Variants in KLHL1 observed in about 807,000 individuals in gnomAD.
KLHL1 encodes kelch like family member 1.
Under a neutral mutation model 77.7 loss-of-function variants are expected in KLHL1, and 47 were observed. That is an observed-to-expected ratio of 0.60 (90% CI 0.48 to 0.77). The LOEUF is 0.77. Among genes scored for constraint, KLHL1 ranks in the 30% least tolerant of loss-of-function variants. The pLI is 0.00. For synonymous variants in KLHL1, 360 were observed against 325.2 expected (o/e 1.11, Z -1.15); for missense variants, 925 against 910.8 (o/e 1.02, Z -0.20).
intron 1 of KLHL1, among the ~76,000 whole-genome samples, chr13:70,071,815 A>C (rs1887144254): frequency 6.6e-6 from 1 of 152,108 alleles, no homozygotes; most frequent in South Asian, 2.1e-4. Flanking sequence ...ATATATGTTC[A>C]AAGCATGGAA....
At chr13:69,830,219 A>G (rs1369620374) in intron 6 of KLHL1, among the ~76,000 whole-genome samples, 1 of 150,324 alleles carries the variant, frequency 6.7e-6, no homozygotes, top group Non-Finnish European at 1.5e-5. Context: ...TAATACATAA[A>G]GACTCACATA....
intron 4 of KLHL1, among the ~76,000 whole-genome samples, chr13:69,935,207 T>TACATAGTTCACCC (rs1883141939): frequency 8.4e-6 from 1 of 118,426 alleles, no homozygotes; most frequent in Non-Finnish European, 1.7e-5. Context: ...ACATAGTTGG[T>TACATAGTTCACCC]ACTGGTGAAC....
intron 1 of KLHL1, among the ~76,000 whole-genome samples, chr13:69,984,370 A>G (rs1000213746): frequency 6.6e-6 from 1 of 152,182 alleles, no homozygotes; most frequent in Non-Finnish European, 1.5e-5. Context: ...AAGACTACCT[A>G]GAGGCCAGGC....
intron 6 of KLHL1, among the ~76,000 whole-genome samples, chr13:69,829,203 T>C (rs1170998060): frequency 1.3e-5 from 2 of 149,948 alleles, no homozygotes; most frequent in Non-Finnish European, 3.0e-5. Flanking sequence ...ACAATTCACT[T>C]CACTCCCCTA....
chr13:69,862,879 G>A (rs1409371942), intron 5 of KLHL1, among the ~76,000 whole-genome samples: 1 of 152,054 alleles, frequency 6.6e-6, no homozygotes, highest in Non-Finnish European at 1.5e-5. Flanking sequence ...TTAGCTTTCA[G>A]AACTGTGACA....
chr13:69,869,174 T>A (rs922917346), intron 5 of KLHL1, among the ~76,000 whole-genome samples: 1 of 152,092 alleles, frequency 6.6e-6, no homozygotes, highest in Non-Finnish European at 1.5e-5. Flanking sequence ...AAATTCTACC[T>A]GAGGAAGTTA....
intron 1 of KLHL1, among the ~76,000 whole-genome samples, chr13:69,977,491 C>A (rs887388109): frequency 6.6e-6 from 1 of 151,524 alleles, no homozygotes; most frequent in Non-Finnish European, 1.5e-5. Flanking sequence ...ATATAGAAAA[C>A]AAAAAACGGT....
intron 1 of KLHL1, among the ~76,000 whole-genome samples, chr13:70,075,413 C>G (rs935431243): frequency 6.0e-5 from 9 of 150,506 alleles, no homozygotes; most frequent in African/African-American, 2.2e-4. Context: ...ACATAATTTT[C>G]TGTATAGAAA....
intron 8 of KLHL1, among the ~76,000 whole-genome samples, chr13:69,728,848 G>T (rs1873417256): frequency 6.6e-6 from 1 of 151,730 alleles, no homozygotes; most frequent in Non-Finnish European, 1.5e-5. Flanking sequence ...ATGAATGAAT[G>T]AATGAATCCA....
intron 5 of KLHL1, among the ~76,000 whole-genome samples, chr13:69,862,375 C>A (rs1880205705): frequency 6.6e-6 from 1 of 152,026 alleles, no homozygotes; most frequent in African/African-American, 2.4e-5. Flanking sequence ...TTCTGAAGTT[C>A]CATTTTACCA....
chr13:70,057,965 T>C (rs9572346), intron 1 of KLHL1, among the ~76,000 whole-genome samples: 18,633 of 152,054 alleles, frequency 0.12, 1,270 homozygotes, highest in East Asian at 0.22. Context: ...AAATCAATCA[T>C]ATCAACAGAA....
At chr13:69,991,935 T>C (rs749737329) in intron 1 of KLHL1, among the ~76,000 whole-genome samples, 11 of 152,012 alleles carry the variant, frequency 7.2e-5, no homozygotes, top group Non-Finnish European at 1.3e-4. Flanking sequence ...TTCCATTTTG[T>C]TAATATTAAA....
At chr13:70,048,824 A>T (rs1886562236) in intron 1 of KLHL1, among the ~76,000 whole-genome samples, 1 of 152,164 alleles carries the variant, frequency 6.6e-6, no homozygotes, top group African/African-American at 2.4e-5. Context: ...CTCCTAACAG[A>T]CCATGGACCA....
intron 7 of KLHL1, among the ~76,000 whole-genome samples, chr13:69,751,360 G>C (rs1874471485): frequency 6.6e-6 from 1 of 151,926 alleles, no homozygotes; most frequent in Non-Finnish European, 1.5e-5. Context: ...TGGATATGAA[G>C]GGAAAAGACA....
At chr13:69,781,380 G>T (rs1876200416) in intron 7 of KLHL1, among the ~76,000 whole-genome samples, 1 of 144,860 alleles carries the variant, frequency 6.9e-6, no homozygotes, top group Admixed American at 7.1e-5. Context: ...CACAATGCAT[G>T]AAAATGTCTT....
intron 5 of KLHL1, among the ~76,000 whole-genome samples, chr13:69,873,412 C>A (rs1053567664): frequency 2.0e-5 from 3 of 152,062 alleles, no homozygotes; most frequent in African/African-American, 7.2e-5. Flanking sequence ...ATTAGAGGAA[C>A]TTTGATATAT....
At chr13:69,865,837 A>G (rs1032142245) in intron 5 of KLHL1, among the ~76,000 whole-genome samples, 1 of 152,174 alleles carries the variant, frequency 6.6e-6, no homozygotes, top group East Asian at 1.9e-4. Flanking sequence ...AAATTGATCA[A>G]TCAGACAAAA....
rs958582629 is a variant in KLHL1 at position 70,024,101 on chromosome 13, C to T, written c.498-48299G>A. On this transcript the variant is annotated intron_variant, in intron 1 of 10. Transcript: ENST00000377844. ...TATGTTTTACGAGATCAGAGGAGAT[C>T]GGGCACATTCAGGATGGTATGGCGT... Among the ~76,000 whole-genome samples the T allele has an allele frequency of 5.3e-5, 8 of 151,772 alleles. 1 individual carries two copies. The highest frequency in any genetic ancestry group is 3.9e-4 in the Admixed American group (6 of 15,200).
Position 69,759,803 on chromosome 13 carries a change from G to A in KLHL1, c.1640-19247C>T, listed in dbSNP as rs188140181. Among the ~76,000 whole-genome samples the A allele has an allele frequency of 2.7e-3, 415 of 152,142 alleles. 4 individuals are homozygous for A. In the Middle Eastern group the frequency reaches 0.031, roughly 11 times the overall value. ...AGACTTCATGCCTAAATATTGTATC[G>A]TCATTTGCCCAAACCAAAGAAAAAG... On this transcript the variant is annotated intron_variant, in intron 7 of 10. Coordinates refer to ENST00000377844, the MANE Select transcript of KLHL1 (RefSeq NM_020866.3).
Sources: allele counts gnomAD v4.1 joint callset (sites outside exome capture counted in the v4.1 genomes callset), GRCh38; gene constraint gnomAD v4.1.1; transcripts MANE v1.5; gene names NCBI Gene and HGNC (gene_info 2026-07-23, HGNC 2026-07-21).